The following SPIDR variants were observed in gnomAD, a reference collection of about 807,000 sequenced individuals.
SPIDR encodes scaffold protein involved in DNA repair.
A neutral mutation model predicts 104.6 loss-of-function variants in SPIDR; 93 were observed. The ratio of observed to expected loss-of-function variants is 0.89; its 90% confidence interval spans 0.75 to 1.06. The LOEUF is 1.06. Ranked by LOEUF, SPIDR falls within the 50% of genes least tolerant of loss-of-function variation. The pLI, the probability that SPIDR is intolerant of heterozygous loss-of-function variation, is 0.00. For missense variants in SPIDR, 1,154 were observed against 1,111.2 expected, an observed-to-expected ratio of 1.04 and a Z score of -0.55; for synonymous variants, 431 against 416.9, an observed-to-expected ratio of 1.03 and a Z score of -0.41.
chr8:47,417,648 T>C (rs1421302770), intron 7 of SPIDR, among the ~76,000 whole-genome samples: 102 of 152,348 alleles, frequency 6.7e-4, no homozygotes, highest in African/African-American at 1.8e-3. Context: ...TTTGTCAATT[T>C]TGGCTTTTGT....
intron 8 of SPIDR, among the ~76,000 whole-genome samples, chr8:47,485,959 G>T (rs2077546195): frequency 6.6e-6 from 1 of 152,198 alleles, no homozygotes; most frequent in African/African-American, 2.4e-5. Flanking sequence ...CCCTCTAAAG[G>T]AATGCAGCTC....
At chr8:47,480,703 T>C (rs1332169025) in intron 8 of SPIDR, among the ~76,000 whole-genome samples, 1 of 152,234 alleles carries the variant, frequency 6.6e-6, no homozygotes, top group Non-Finnish European at 1.5e-5. Context: ...AGAGTTTATA[T>C]GAGGCACAGC....
chr8:47,403,105 C>T (rs1458006133), intron 6 of SPIDR, among the ~76,000 whole-genome samples: 5 of 152,170 alleles, frequency 3.3e-5, no homozygotes, highest in Non-Finnish European at 7.4e-5. Context: ...ACAAAAACCA[C>T]ATGAATATCT....
intron 5 of SPIDR, among the ~76,000 whole-genome samples, chr8:47,385,889 ATG>A (rs2059845359): frequency 6.6e-6 from 1 of 152,128 alleles, no homozygotes. Flanking sequence ...TTAAATTTTT[ATG>A]TGGTCTGTCA....
intron 8 of SPIDR, among the ~76,000 whole-genome samples, chr8:47,492,190 C>T (rs2078828776): frequency 6.6e-6 from 1 of 152,140 alleles, no homozygotes; most frequent in South Asian, 2.1e-4. Context: ...TAGTAGCAAA[C>T]TCCCAACCTA....
chr8:47,300,843 A>T (rs1554576817), intron 5 of SPIDR, among the ~76,000 whole-genome samples: 6 of 151,992 alleles, frequency 3.9e-5, no homozygotes, highest in Admixed American at 1.3e-4. Context: ...TCTTTTACAT[A>T]TGCTGAGGAG....
intron 7 of SPIDR, among the ~76,000 whole-genome samples, chr8:47,416,852 A>G (rs1224875431): frequency 2.7e-5 from 4 of 150,684 alleles, no homozygotes; most frequent in African/African-American, 9.8e-5. Flanking sequence ...TTCAGTTCCC[A>G]CCTATGAGTG....
At chr8:47,544,261 G>A (rs1034070567) in intron 8 of SPIDR, among the ~76,000 whole-genome samples, 1 of 151,962 alleles carries the variant, frequency 6.6e-6, no homozygotes, top group Non-Finnish European at 1.5e-5. Context: ...ATTTTATTGT[G>A]AAATTTTGAG....
intron 11 of SPIDR, among the ~76,000 whole-genome samples, chr8:47,685,501 A>ATTTTTTTTTTTTTTTTTTTTTTTT (rs1326028640): frequency 2.7e-5 from 3 of 110,228 alleles, no homozygotes; most frequent in Admixed American, 9.9e-5. Context: ...TTATTTATTT[A>ATTTTTTTTTTTTTTTTTTTTTTTT]TTTATTTATT....
intron 8 of SPIDR, among the ~76,000 whole-genome samples, chr8:47,467,668 A>C (rs2075102638): frequency 6.6e-6 from 1 of 152,154 alleles, no homozygotes; most frequent in Non-Finnish European, 1.5e-5. Flanking sequence ...AAACCCTTTC[A>C]TGTTAAAACT....
intron 10 of SPIDR, among the ~76,000 whole-genome samples, chr8:47,621,020 A>G (rs2065080407): frequency 2.0e-5 from 3 of 150,344 alleles, no homozygotes. Flanking sequence ...GCAGTGGCAC[A>G]ATCTCAGCTC....
intron 8 of SPIDR, among the ~76,000 whole-genome samples, chr8:47,578,676 G>A (rs72646361): frequency 0.039 from 5,911 of 152,116 alleles, 135 homozygotes; most frequent in Middle Eastern, 0.058. Flanking sequence ...GCCATAGTGT[G>A]AATCTAAATT....
intron 8 of SPIDR, among the ~76,000 whole-genome samples, chr8:47,508,947 T>G (rs938447658): frequency 2.6e-5 from 4 of 151,758 alleles, no homozygotes; most frequent in African/African-American, 9.7e-5. Context: ...ATTTTATATA[T>G]ATATATGTAT....
intron 19 of SPIDR, chr8:47,732,434 G>A (rs959264910): frequency 3.7e-6 from 2 of 533,544 alleles, no homozygotes; most frequent in Non-Finnish European, 6.7e-6. Context: ...TGTGCATTGG[G>A]TGAGGGCCAG....
chr8:47,517,667 A>G (rs1053134060), intron 8 of SPIDR, among the ~76,000 whole-genome samples: 1 of 152,262 alleles, frequency 6.6e-6, no homozygotes, highest in African/African-American at 2.4e-5. Flanking sequence ...AATAGTATGT[A>G]GGCACTAAAT....
chr8:47,328,448 T>C (rs1554601996), intron 5 of SPIDR, among the ~76,000 whole-genome samples: 2 of 151,630 alleles, frequency 1.3e-5, no homozygotes, highest in Non-Finnish European at 2.9e-5. Flanking sequence ...GATGGGGTCT[T>C]GCTATGTTAT....
chr8:47,668,434 T>TA (rs560280533), intron 10 of SPIDR, among the ~76,000 whole-genome samples: 90 of 150,700 alleles, frequency 6.0e-4, no homozygotes, highest in Non-Finnish European at 1.1e-3. Context: ...TTAATACAGA[T>TA]AAAGCATTTG....
At chr8:47,714,750 C>T (rs753814369) in intron 16 of SPIDR, among the ~76,000 whole-genome samples, 3 of 152,174 alleles carry the variant, frequency 2.0e-5, no homozygotes, top group Non-Finnish European at 4.4e-5. Context: ...AGAGGTCAAA[C>T]TCAAGAGTTT....
intron 11 of SPIDR, among the ~76,000 whole-genome samples, chr8:47,686,751 CT>C (rs1320766617): frequency 2.6e-5 from 4 of 152,108 alleles, no homozygotes; most frequent in Non-Finnish European, 4.4e-5. Context: ...TTTATAACCC[CT>C]GGCCCTCAAA....
Sources: allele counts gnomAD v4.1 joint callset (sites outside exome capture counted in the v4.1 genomes callset), GRCh38; gene constraint gnomAD v4.1.1; transcripts MANE v1.5; gene names NCBI Gene and HGNC (gene_info 2026-07-23, HGNC 2026-07-21).